The following ATG10 variants were observed in gnomAD, a reference collection of about 807,000 sequenced individuals.
The protein encoded by ATG10 is autophagy related 10.
ATG10 carries 30 observed loss-of-function variants against 32.1 expected under a neutral mutation model. The ratio of observed to expected loss-of-function variants is 0.94; its 90% confidence interval spans 0.70 to 1.27. ATG10 has a LOEUF of 1.27. Ranked by LOEUF, ATG10 falls within the 50% of genes most tolerant of loss-of-function variation. The pLI, the probability that ATG10 is intolerant of heterozygous loss-of-function variation, is 0.00. For synonymous variants in ATG10, 87 were observed against 91.5 expected (o/e 0.95, Z 0.28); for missense variants, 233 against 262.3 (o/e 0.89, Z 0.77).
chr5:82,005,197 ATTCTC>A (rs1272193611), intron 2 of ATG10, among the ~76,000 whole-genome samples: 9 of 152,112 alleles, frequency 5.9e-5, no homozygotes, highest in African/African-American at 1.9e-4. Flanking sequence ...TTTTGGTACT[ATTCTC>A]TTTACTTTTT....
intron 3 of ATG10, among the ~76,000 whole-genome samples, chr5:82,082,667 CTT>C (rs879492803): frequency 1.4e-5 from 2 of 143,782 alleles, no homozygotes. Flanking sequence ...AGTAATGTTT[CTT>C]TTTTTTTTTA....
At chr5:82,026,652 A>G (rs1048135401) in intron 2 of ATG10, among the ~76,000 whole-genome samples, 1 of 152,194 alleles carries the variant, frequency 6.6e-6, no homozygotes, top group African/African-American at 2.4e-5. Flanking sequence ...GAATTTCATA[A>G]TGGTTTATTA....
chr5:82,028,109 ATTGT>A (rs1037252748), intron 2 of ATG10, among the ~76,000 whole-genome samples: 53 of 152,312 alleles, frequency 3.5e-4, no homozygotes, highest in African/African-American at 1.1e-3. Flanking sequence ...TAGTGTGAAA[ATTGT>A]TTGAGGCCAA....
intron 3 of ATG10, among the ~76,000 whole-genome samples, chr5:82,145,483 T>G (rs1208517888): frequency 1.3e-5 from 2 of 152,124 alleles, no homozygotes; most frequent in Admixed American, 6.5e-5. Flanking sequence ...AGAGTTAATC[T>G]TATATACTTT....
intron 1 of ATG10, among the ~76,000 whole-genome samples, chr5:81,985,826 G>A (rs898980131): frequency 1.3e-5 from 2 of 152,250 alleles, no homozygotes; most frequent in South Asian, 4.1e-4. Context: ...GCAGTGGCGC[G>A]ATCTCGGCTC....
At chr5:82,117,333 G>A (rs1354927247) in intron 3 of ATG10, among the ~76,000 whole-genome samples, 1 of 152,082 alleles carries the variant, frequency 6.6e-6, no homozygotes, top group African/African-American at 2.4e-5. Context: ...AATTTGAGCT[G>A]ATTAGATTTC....
At chr5:82,233,250 C>A (rs1221331065) in intron 5 of ATG10, among the ~76,000 whole-genome samples, 1 of 152,132 alleles carries the variant, frequency 6.6e-6, no homozygotes, top group East Asian at 1.9e-4. Flanking sequence ...CTATGTTATA[C>A]CTGACTGAAC....
At chr5:81,975,672 A>AC (rs754375130) in intron 1 of ATG10, among the ~76,000 whole-genome samples, 8 of 145,526 alleles carry the variant, frequency 5.5e-5, no homozygotes, top group Non-Finnish European at 9.0e-5. Context: ...ACATAGTGAG[A>AC]CCCCCCTCTC....
At chr5:82,007,709 C>G (rs895121647) in intron 2 of ATG10, among the ~76,000 whole-genome samples, 2 of 152,092 alleles carry the variant, frequency 1.3e-5, no homozygotes, top group Non-Finnish European at 2.9e-5. Context: ...CTGCCTGGGC[C>G]TCCCAAAGTG....
At chr5:82,194,592 G>C (rs1581790277) in intron 5 of ATG10, among the ~76,000 whole-genome samples, 1 of 152,102 alleles carries the variant, frequency 6.6e-6, no homozygotes, top group Non-Finnish European at 1.5e-5. Context: ...GATCAGTGTG[G>C]CCAGGCCTAC....
At chr5:82,040,101 C>T (rs1158663698) in intron 2 of ATG10, among the ~76,000 whole-genome samples, 2 of 152,182 alleles carry the variant, frequency 1.3e-5, no homozygotes, top group Non-Finnish European at 2.9e-5. Context: ...ATCTGGTCCT[C>T]TTTAAGGCTA....
chr5:81,980,778 TG>T (rs1227763261), intron 1 of ATG10, among the ~76,000 whole-genome samples: 1 of 152,124 alleles, frequency 6.6e-6, no homozygotes, highest in Non-Finnish European at 1.5e-5. Flanking sequence ...CTTCCACATC[TG>T]GCCATGCACA....
chr5:82,103,015 TA>T (rs1765329873), intron 3 of ATG10, among the ~76,000 whole-genome samples: 1 of 152,016 alleles, frequency 6.6e-6, no homozygotes, highest in Non-Finnish European at 1.5e-5. Flanking sequence ...GAGATTAGTT[TA>T]AAAAAAGGGG....
At chr5:81,978,206 A>T (rs565646470) in intron 1 of ATG10, among the ~76,000 whole-genome samples, 163 of 152,220 alleles carry the variant, frequency 1.1e-3, no homozygotes, top group Non-Finnish European at 1.8e-3. Flanking sequence ...AGTAGCTGGG[A>T]TTACATGTGC....
At chr5:82,232,295 A>G (rs892310032) in intron 5 of ATG10, among the ~76,000 whole-genome samples, 5 of 152,194 alleles carry the variant, frequency 3.3e-5, no homozygotes, top group African/African-American at 1.2e-4. Context: ...CAATTGTTTT[A>G]CTTTAAGATA....
At chr5:82,089,432 A>T (rs79812848) in intron 3 of ATG10, among the ~76,000 whole-genome samples, 3,772 of 152,298 alleles carry the variant, frequency 0.025, 155 homozygotes, top group African/African-American at 0.085. Flanking sequence ...AAGCCACATA[A>T]ATGTGTCCAA....
chr5:82,213,680 C>T (rs995280254), intron 5 of ATG10, among the ~76,000 whole-genome samples: 1 of 152,136 alleles, frequency 6.6e-6, no homozygotes, highest in African/African-American at 2.4e-5. Context: ...ATATTCCTAC[C>T]AGTTCGACCA....
chr5:82,089,030 A>T (rs534255071), intron 3 of ATG10, among the ~76,000 whole-genome samples: 2 of 152,320 alleles, frequency 1.3e-5, no homozygotes, highest in South Asian at 4.1e-4. Context: ...TGATTCCAAG[A>T]CTTACTATAT....
chr5:82,027,455 A>G (rs1288210129), intron 2 of ATG10, among the ~76,000 whole-genome samples: 2 of 152,198 alleles, frequency 1.3e-5, no homozygotes, highest in South Asian at 2.1e-4. Flanking sequence ...GAGTATATGT[A>G]TTGTACATAT....
Sources: gnomAD v4.1 joint callset for allele counts (sites outside exome capture counted in the v4.1 genomes callset) on GRCh38, gnomAD v4.1.1 for gene constraint, MANE v1.5 for transcripts, NCBI Gene and HGNC (gene_info 2026-07-23, HGNC 2026-07-21) for gene names.